NLRC5: variants seen among roughly 807,000 people sequenced by gnomAD.
NLRC5 encodes NLR family CARD domain containing 5.
In NLRC5, 114 loss-of-function variants were observed where a neutral mutation model predicts 206.9. That is an observed-to-expected ratio of 0.55 (90% CI 0.47 to 0.64). The LOEUF (loss-of-function observed/expected upper bound fraction) is 0.64. Among genes scored for constraint, NLRC5 ranks in the 30% least tolerant of loss-of-function variants. The pLI, the probability that NLRC5 is intolerant of heterozygous loss-of-function variation, is 0.00. For synonymous variants in NLRC5, 952 were observed against 962.8 expected, an observed-to-expected ratio of 0.99 and a Z score of 0.21; for missense variants, 2,008 against 2,305.5, an observed-to-expected ratio of 0.87 and a Z score of 2.64.
rs187496753 is a variant in NLRC5, at chr16:57,030,738, T to C, written c.2417+654T>C. 2.9e-4 allele frequency among the ~76,000 whole-genome samples: 44 copies of C among 152,292 alleles called. No homozygotes were observed. The East Asian group carries it at 6.7e-3, about 23-fold the overall frequency. The stretch of plus-strand genomic sequence containing the variant: ...ATAATTAGCTGTGTGTTGCCCTCCA[T>C]GGTGCTGAACCAATATAGCCAGTTT... On this transcript the variant is annotated intron_variant, in intron 10 of 48. Transcript: ENST00000688547.
chr16:57,003,892 T>A (rs1454266032), intron 1 of NLRC5: 1 of 152,178 alleles, frequency 6.6e-6, no homozygotes, highest in East Asian at 1.9e-4. Flanking sequence ...CTGCGTAACC[T>A]ACCAGGGTCA....
At position 57,020,851 on chromosome 16, in the gene NLRC5, A is replaced by C. The variant is rs748115787; in HGVS notation, c.139A>C (p.Thr47Pro). 7 of 1,613,588 alleles carry C rather than the reference A, an allele frequency of 4.3e-6. No homozygotes were observed. Among genetic ancestry groups the C allele is most frequent in the Non-Finnish European group, 5.9e-6 (7 of 1,179,910 alleles). ...CACGGACCTGGATTCCAGGAACGAG[A>C]CCTTGGACCCTGAACAGAGAGTCAT... Reference protein sequence around the residue: ...PNTDLDSRNETLDPEQRVILQ... With the variant: ...PNTDLDSRNEPLDPEQRVILQ... Residue 47 changes from threonine (T) to proline (P), a missense_variant, in exon 3 of 49, where the codon ACC becomes CCC. Transcript: ENST00000688547.
intron 22 of NLRC5, among the ~76,000 whole-genome samples, chr16:57,047,202 G>T (rs760340999): frequency 1.4e-4 from 21 of 152,212 alleles, no homozygotes; most frequent in Non-Finnish European, 1.9e-4. Context: ...CACTTGTGGG[G>T]CAGAGAGGGA....
At chr16:57,037,070 C>T in intron 14 of NLRC5, 125 bp from the exon 15 acceptor site, 1 of 791,840 alleles carries the variant, frequency 1.3e-6, no homozygotes, top group Non-Finnish European at 2.2e-6. Context: ...GATCCCCTGG[C>T]AAGGGACCTA....
At position 57,081,090 on chromosome 16, in the gene NLRC5, C is replaced by A; in HGVS notation, c.5322-8C>A. The A allele has an allele frequency of 6.5e-7, 1 of 1,548,560 alleles. No individual in the cohort carries two copies. The highest frequency in any genetic ancestry group is 8.7e-7 in the Non-Finnish European group (1 of 1,147,504). ...CCTGCCGCTGACTTTGGGACCCCTA[C>A]CCTGCAGGCTGTCCTGGAATCTCCT... On this transcript the variant is annotated splice_region_variant and splice_polypyrimidine_tract_variant and intron_variant, in intron 46 of 48. Transcript: ENST00000688547.
intron 2 of NLRC5, among the ~76,000 whole-genome samples, chr16:57,017,455 C>G (rs2060210668): frequency 1.3e-5 from 2 of 152,178 alleles, no homozygotes; most frequent in African/African-American, 4.8e-5. Flanking sequence ...TGCTCAAGGT[C>G]ACACTATGAG....
chr16:57,076,970 C>T (rs112443618), intron 40 of NLRC5, 68 bp downstream of exon 40: 1 of 1,356,218 alleles, frequency 7.4e-7, no homozygotes, highest in Non-Finnish European at 1.1e-6. Flanking sequence ...GGGCAAGGGG[C>T]TACCTGAGCA....
At chr16:57,006,381 C>T (rs560775849) in intron 1 of NLRC5, among the ~76,000 whole-genome samples, 2 of 146,216 alleles carry the variant, frequency 1.4e-5, no homozygotes, top group South Asian at 4.4e-4. Context: ...GGATACCATT[C>T]CATATCATTC....
chr16:57,021,900 G>A (rs1470287264), intron 3 of NLRC5, among the ~76,000 whole-genome samples: 1 of 152,148 alleles, frequency 6.6e-6, no homozygotes, highest in Non-Finnish European at 1.5e-5. Context: ...GGGCGGGGCG[G>A]CGCATGCACA....
chr16:57,067,600 G>T (rs1326104963), intron 35 of NLRC5, 130 bp downstream of exon 35: 6 of 1,335,480 alleles, frequency 4.5e-6, no homozygotes, highest in Non-Finnish European at 6.4e-6. Context: ...CCAGTGGAGG[G>T]GAGGGAGAGC....
At chr16:57,057,676 C>CT (rs1410008509) in intron 27 of NLRC5, among the ~76,000 whole-genome samples, 11 of 152,166 alleles carry the variant, frequency 7.2e-5, no homozygotes, top group Admixed American at 7.2e-4. Context: ...CTGGAGGCAC[C>CT]TGAGCTATGA....
At chr16:57,039,996 G>C in intron 16 of NLRC5, 147 bp downstream of exon 16, 2 of 742,806 alleles carry the variant, frequency 2.7e-6, no homozygotes, top group South Asian at 3.4e-5. Context: ...CTTGGCAAAG[G>C]ATGCAGCCCC....
intron 39 of NLRC5, among the ~76,000 whole-genome samples, chr16:57,075,693 T>G (rs2068312536): frequency 6.6e-6 from 1 of 152,154 alleles, no homozygotes; most frequent in Admixed American, 6.5e-5. Context: ...TCAATGTGAT[T>G]TTTCAAAACA....
chr16:57,062,932 A>G (rs2066689792), intron 32 of NLRC5, among the ~76,000 whole-genome samples: 2 of 151,674 alleles, frequency 1.3e-5, no homozygotes, highest in Non-Finnish European at 2.9e-5. Context: ...AGCCCCTGGC[A>G]ACCACCATTC....
chr16:56,993,655 C>T (rs1417617916), intron 1 of NLRC5, among the ~76,000 whole-genome samples: 2 of 152,100 alleles, frequency 1.3e-5, no homozygotes, highest in African/African-American at 2.4e-5. Context: ...GTTTTTTATG[C>T]CTCTTATTAC....
chr16:57,055,595 C>T (rs1287896915), intron 27 of NLRC5, 76 bp downstream of exon 27: 35 of 1,178,094 alleles, frequency 3.0e-5, no homozygotes, highest in African/African-American at 1.7e-4. Context: ...TATGAGGGTC[C>T]GTGTGTGCAC....
intron 10 of NLRC5, among the ~76,000 whole-genome samples, chr16:57,030,453 T>TGGAA (rs58048607): frequency 7.6e-6 from 1 of 132,128 alleles, no homozygotes; most frequent in African/African-American, 2.9e-5. Context: ...GATGGATGGA[T>TGGAA]GGATGGATGG....
At chr16:57,034,288 A>C in intron 13 of NLRC5, 37 bp downstream of exon 13, 1 of 1,575,974 alleles carries the variant, frequency 6.3e-7, no homozygotes, top group Non-Finnish European at 8.7e-7. Context: ...AGGAGCCAGG[A>C]AAGGAGGTTG....
At chr16:57,061,946 GAAA>G in intron 32 of NLRC5, 2 of 1,518,370 alleles carry the variant, frequency 1.3e-6, no homozygotes, top group Middle Eastern at 1.7e-4. Context: ...AAGAAAGAAA[GAAA>G]GAAGGTTTCA....
Sources: gnomAD v4.1 joint callset for allele counts (sites outside exome capture counted in the v4.1 genomes callset) on GRCh38, gnomAD v4.1.1 for gene constraint, MANE v1.5 for transcripts, NCBI Gene and HGNC (gene_info 2026-07-23, HGNC 2026-07-21) for gene names.